SDCCAG8: variants seen among roughly 807,000 people sequenced by gnomAD.
The protein encoded by SDCCAG8 is SHH signaling and ciliogenesis regulator SDCCAG8.
SDCCAG8 carries 74 observed loss-of-function variants against 101.8 expected under a neutral mutation model. The observed-to-expected ratio is 0.73, with a 90% CI of 0.60 to 0.88. The LOEUF (loss-of-function observed/expected upper bound fraction) is 0.88. SDCCAG8 is among the 40% of genes least tolerant of loss of function. The pLI is 0.00. For missense variants in SDCCAG8, 787 were observed against 822.6 expected, an observed-to-expected ratio of 0.96 and a Z score of 0.53; for synonymous variants, 281 against 292.9, an observed-to-expected ratio of 0.96 and a Z score of 0.41.
intron 13 of SDCCAG8, among the ~76,000 whole-genome samples, chr1:243,400,089 T>C (rs1023608542): frequency 6.6e-6 from 1 of 152,214 alleles, no homozygotes; most frequent in African/African-American, 2.4e-5. Context: ...TGATGGTGGA[T>C]GTTGTGAAAA....
At chr1:243,434,711 C>T (rs2082022477) in intron 16 of SDCCAG8, among the ~76,000 whole-genome samples, 1 of 152,198 alleles carries the variant, frequency 6.6e-6, no homozygotes, top group Non-Finnish European at 1.5e-5. Context: ...TGAGAACTCC[C>T]TGTGAGGACT....
intron 12 of SDCCAG8, among the ~76,000 whole-genome samples, chr1:243,351,521 T>G (rs1428262193): frequency 1.3e-5 from 2 of 152,230 alleles, no homozygotes; most frequent in African/African-American, 2.4e-5. Context: ...AGAGGGAGAA[T>G]CTGGTTCCAT....
intron 12 of SDCCAG8, among the ~76,000 whole-genome samples, chr1:243,346,882 G>T (rs1164754674): frequency 6.6e-6 from 1 of 152,018 alleles, no homozygotes; most frequent in Non-Finnish European, 1.5e-5. Flanking sequence ...ACACACACTC[G>T]ATCAGGGGAA....
At chr1:243,278,276 A>G (rs1462402517) in intron 4 of SDCCAG8, among the ~76,000 whole-genome samples, 2 of 152,126 alleles carry the variant, frequency 1.3e-5, no homozygotes, top group Non-Finnish European at 2.9e-5. Context: ...GCTGGAGTGC[A>G]ATGTTGCAGT....
intron 16 of SDCCAG8, among the ~76,000 whole-genome samples, chr1:243,436,265 AC>A (rs1249551533): frequency 6.6e-6 from 1 of 151,842 alleles, no homozygotes. Flanking sequence ...GGTTGCCCCA[AC>A]TTTTTTTCAT....
chr1:243,432,833 C>CT (rs1558461293), intron 16 of SDCCAG8, among the ~76,000 whole-genome samples: 2 of 152,022 alleles, frequency 1.3e-5, no homozygotes, highest in Non-Finnish European at 2.9e-5. Flanking sequence ...AAAGTTCAAA[C>CT]TTATGCTTAT....
chr1:243,399,938 A>T (rs1374450411), intron 13 of SDCCAG8, among the ~76,000 whole-genome samples: 2 of 152,172 alleles, frequency 1.3e-5, no homozygotes, highest in Non-Finnish European at 2.9e-5. Flanking sequence ...CATAAGCCCC[A>T]TTTTACAGAT....
intron 10 of SDCCAG8, among the ~76,000 whole-genome samples, chr1:243,332,412 G>A (rs908070819): frequency 5.3e-5 from 8 of 152,232 alleles, no homozygotes; most frequent in Non-Finnish European, 1.0e-4. Context: ...TCAGCTGGAG[G>A]TCATTATCGT....
At chr1:243,488,068 C>A (rs1019258132) in intron 16 of SDCCAG8, among the ~76,000 whole-genome samples, 2 of 152,220 alleles carry the variant, frequency 1.3e-5, no homozygotes, top group Non-Finnish European at 2.9e-5. Context: ...GGCAGTGGTA[C>A]CTGTGCCCAC....
At chr1:243,320,065 T>C (rs1351203849) in intron 9 of SDCCAG8, among the ~76,000 whole-genome samples, 2 of 152,198 alleles carry the variant, frequency 1.3e-5, no homozygotes, top group East Asian at 3.8e-4. Flanking sequence ...ACATTCACTC[T>C]CCCAAATCTG....
intron 15 of SDCCAG8, among the ~76,000 whole-genome samples, chr1:243,418,715 C>T (rs2080778022): frequency 6.6e-6 from 1 of 152,162 alleles, no homozygotes; most frequent in African/African-American, 2.4e-5. Context: ...AGAAGCCCGA[C>T]TCCCCATCTC....
chr1:243,344,525 A>T (rs1004529127), intron 12 of SDCCAG8, among the ~76,000 whole-genome samples, 194 bp downstream of exon 12: 1 of 152,220 alleles, frequency 6.6e-6, no homozygotes, highest in Non-Finnish European at 1.5e-5. Flanking sequence ...GTGAGAATAC[A>T]ACAGCATGCA....
chr1:243,404,455 A>C (rs1273426242), intron 13 of SDCCAG8, among the ~76,000 whole-genome samples: 1 of 152,238 alleles, frequency 6.6e-6, no homozygotes, highest in Non-Finnish European at 1.5e-5. Flanking sequence ...AGTCAAATAG[A>C]AATAATGTTA....
At chr1:243,329,060 A>C (rs1442112727) in intron 9 of SDCCAG8, among the ~76,000 whole-genome samples, 3 of 152,242 alleles carry the variant, frequency 2.0e-5, no homozygotes, top group Non-Finnish European at 4.4e-5. Flanking sequence ...TATTTTTCAC[A>C]AGAGCAATTA....
At chr1:243,433,572 G>C (rs1249298712) in intron 16 of SDCCAG8, among the ~76,000 whole-genome samples, 1 of 152,120 alleles carries the variant, frequency 6.6e-6, no homozygotes, top group Non-Finnish European at 1.5e-5. Flanking sequence ...TCCCTTGGCA[G>C]GCTAGACAGG....
At chr1:243,443,277 T>C (rs7551067) in intron 16 of SDCCAG8, among the ~76,000 whole-genome samples, 1 of 152,136 alleles carries the variant, frequency 6.6e-6, no homozygotes, top group Non-Finnish European at 1.5e-5. Flanking sequence ...GAACAATTCA[T>C]ACAAAAAGGG....
At chr1:243,321,221 GTAT>G (rs1466038051) in intron 9 of SDCCAG8, among the ~76,000 whole-genome samples, 3 of 152,024 alleles carry the variant, frequency 2.0e-5, no homozygotes, top group Non-Finnish European at 4.4e-5. Flanking sequence ...TTATCAAAAT[GTAT>G]TATTATTGCT....
intron 16 of SDCCAG8, among the ~76,000 whole-genome samples, chr1:243,454,437 G>A (rs1379660270): frequency 6.6e-6 from 1 of 152,018 alleles, no homozygotes; most frequent in Non-Finnish European, 1.5e-5. Flanking sequence ...TGGTTATCTT[G>A]GAACTGTGGG....
chr1:243,359,815 A>G (rs1439517023), intron 12 of SDCCAG8, among the ~76,000 whole-genome samples: 1 of 152,204 alleles, frequency 6.6e-6, no homozygotes, highest in African/African-American at 2.4e-5. Context: ...GAGATGACTG[A>G]GCTTCTCACT....
Sources: allele counts gnomAD v4.1 joint callset (sites outside exome capture counted in the v4.1 genomes callset), GRCh38; gene constraint gnomAD v4.1.1; transcripts MANE v1.5; gene names NCBI Gene and HGNC (gene_info 2026-07-23, HGNC 2026-07-21).